Variants in LRGUK observed in about 807,000 individuals in gnomAD.
The protein encoded by LRGUK is leucine-rich repeat and guanylate kinase domain-containing protein.
LRGUK carries 65 observed loss-of-function variants against 76.0 expected under a neutral mutation model. The ratio of observed to expected loss-of-function variants is 0.85; its 90% CI spans 0.70 to 1.05. LRGUK has a LOEUF of 1.05. LRGUK is among the 50% of genes least tolerant of loss of function. The pLI, the probability that LRGUK is intolerant of heterozygous loss-of-function variation, is 0.00. For synonymous variants in LRGUK, 268 were observed against 265.6 expected, an observed-to-expected ratio of 1.01 and a Z score of -0.09; for missense variants, 758 against 732.8, an observed-to-expected ratio of 1.03 and a Z score of -0.40.
chr7:134,261,145 G>A (rs1214868570), intron 19 of LRGUK, among the ~76,000 whole-genome samples: 1 of 152,134 alleles, frequency 6.6e-6, no homozygotes, highest in Non-Finnish European at 1.5e-5. Flanking sequence ...TAAGGGTCTG[G>A]AAGTTCTGAG....
At chr7:134,231,352 TAGAA>T (rs1801885031) in intron 16 of LRGUK, among the ~76,000 whole-genome samples, 1 of 152,232 alleles carries the variant, frequency 6.6e-6, no homozygotes. Context: ...TGATCAAGCT[TAGAA>T]AGAGCCTTTG....
chr7:134,242,327 G>T (rs1354102909), intron 16 of LRGUK, among the ~76,000 whole-genome samples: 3 of 152,106 alleles, frequency 2.0e-5, no homozygotes, highest in African/African-American at 7.2e-5. Flanking sequence ...AAGAAGAAAA[G>T]AGAGAAGAAT....
At chr7:134,191,520 T>G in intron 11 of LRGUK, 135 bp from the exon 12 acceptor site, 1 of 667,644 alleles carries the variant, frequency 1.5e-6, no homozygotes, top group South Asian at 1.9e-5. Flanking sequence ...ACCAACATAT[T>G]CTTACAACTG....
At chr7:134,213,934 A>G (rs1236142579), downstream of LRGUK, among the ~76,000 whole-genome samples, 1 of 152,230 alleles carries the variant, frequency 6.6e-6, no homozygotes, top group Non-Finnish European at 1.5e-5. Context: ...GGTGATCTTT[A>G]TAGGAACAAA....
At chr7:134,179,445 C>A (rs1381623372) in intron 10 of LRGUK, among the ~76,000 whole-genome samples, 1 of 152,034 alleles carries the variant, frequency 6.6e-6, no homozygotes, top group African/African-American at 2.4e-5. Flanking sequence ...CCACAGAGAG[C>A]AAAATGTTTT....
intron 4 of LRGUK, among the ~76,000 whole-genome samples, chr7:134,147,486 T>G (rs1020720475): frequency 6.7e-6 from 1 of 148,160 alleles, no homozygotes; most frequent in African/African-American, 2.5e-5. Context: ...GGACAATATA[T>G]GGAAATAGGA....
chr7:134,217,635 T>C (rs1241972627), intron 15 of LRGUK, among the ~76,000 whole-genome samples: 1 of 152,190 alleles, frequency 6.6e-6, no homozygotes, highest in Non-Finnish European at 1.5e-5. Flanking sequence ...ACTTTTAAGA[T>C]GTAATTCTGT....
chr7:134,187,552 C>G (rs1479144261), intron 11 of LRGUK, among the ~76,000 whole-genome samples: 1 of 152,170 alleles, frequency 6.6e-6, no homozygotes, highest in African/African-American at 2.4e-5. Flanking sequence ...ATTGGTGCGG[C>G]TGAGAGATTT....
chr7:134,226,767 A>G (rs1028210663), intron 16 of LRGUK, among the ~76,000 whole-genome samples: 4 of 152,224 alleles, frequency 2.6e-5, no homozygotes, highest in African/African-American at 9.6e-5. Context: ...TCATTGTGTC[A>G]GATGCACATG....
chr7:134,222,755 T>C (rs1377537135), intron 16 of LRGUK, among the ~76,000 whole-genome samples: 1 of 152,060 alleles, frequency 6.6e-6, no homozygotes, highest in Non-Finnish European at 1.5e-5. Flanking sequence ...ATTACAGGCA[T>C]GCGCCACCAT....
At chr7:134,199,189 T>G in intron 13 of LRGUK, 31 bp from the exon 14 acceptor site, 1 of 1,583,348 alleles carries the variant, frequency 6.3e-7, no homozygotes, top group Admixed American at 1.7e-5. Flanking sequence ...TGTATCTGTT[T>G]CCAATTTATT....
chr7:134,274,665 A>T, the LRGUK span, among the ~76,000 whole-genome samples: 1 of 152,190 alleles, frequency 6.6e-6, no homozygotes, highest in African/African-American at 2.4e-5. Flanking sequence ...CAGCTCATAA[A>T]TGCACAGGAC....
At chr7:134,257,471 G>A (rs1339870977) in intron 18 of LRGUK, among the ~76,000 whole-genome samples, 1 of 152,096 alleles carries the variant, frequency 6.6e-6, no homozygotes, top group Non-Finnish European at 1.5e-5. Flanking sequence ...CTCAGAGGCA[G>A]GGATTTCAGA....
At chr7:134,196,970 C>A (rs1487446922) in intron 12 of LRGUK, 22 bp from the exon 13 acceptor site, 3 of 1,314,516 alleles carry the variant, frequency 2.3e-6, no homozygotes, top group Admixed American at 3.5e-5. Flanking sequence ...ATATGAAAAT[C>A]TTTGTTCTTC....
Position 134,139,434 on chromosome 7 carries a change from A to G in LRGUK, c.406-2A>G. 6.3e-7 allele frequency: 1 copy of G among 1,597,620 alleles called. No homozygotes were observed. The highest frequency in any genetic ancestry group is 8.6e-7 in the Non-Finnish European group (1 of 1,166,782). ...AAAGTCTTTTACCTTTTGTTTTCTC[A>G]GGGTTGTAATTTAATTGATGTTAGC... On this transcript the variant is annotated splice_acceptor_variant, in intron 2 of 15. Transcript: ENST00000645682. LOFTEE classifies it high-confidence loss of function.
rs573205816 is a variant in LRGUK, at chr7:134,155,838, G to C, written c.671-2197G>C. Among the ~76,000 whole-genome samples, 247 of 152,196 alleles carry C rather than the reference G, an allele frequency of 1.6e-3. 1 individual carries two copies. The highest frequency in any genetic ancestry group is 6.8e-3 in the Middle Eastern group (2 of 294). ...AGTTGGGATAATTACAAATAATTAT[G>C]GAGGCAAAATGTTTTTGTGATATTT... is the stretch of plus-strand genomic sequence containing the variant. On this transcript the variant is annotated intron_variant, in intron 5 of 15. Transcript: ENST00000645682.
chr7:134,137,882 A>T (rs1797602330), intron 2 of LRGUK, among the ~76,000 whole-genome samples: 1 of 151,686 alleles, frequency 6.6e-6, no homozygotes, highest in African/African-American at 2.4e-5. Flanking sequence ...TTGAAATTTT[A>T]CCATGGCACC....
At chr7:134,199,838 A>G (rs943840574) in intron 14 of LRGUK, among the ~76,000 whole-genome samples, 11 of 151,276 alleles carry the variant, frequency 7.3e-5, no homozygotes, top group Non-Finnish European at 1.6e-4. Context: ...TGTAAAATAA[A>G]CATTTTCAGA....
intron 16 of LRGUK, among the ~76,000 whole-genome samples, chr7:134,242,747 C>CA (rs888289397): frequency 2.0e-4 from 30 of 151,524 alleles, no homozygotes; most frequent in African/African-American, 5.3e-4. Flanking sequence ...AGAGACACAA[C>CA]AAAAAAAAGA....
Sources: gnomAD v4.1 joint callset for allele counts (sites outside exome capture counted in the v4.1 genomes callset) on GRCh38, gnomAD v4.1.1 for gene constraint, MANE v1.5 for transcripts, NCBI Gene and HGNC (gene_info 2026-07-23, HGNC 2026-07-21) for gene names.